Variants in EML6 observed in about 807,000 individuals in gnomAD.
The protein encoded by EML6 is EMAP like 6, also known as echinoderm microtubule-associated protein-like 6.
EML6 carries 154 observed loss-of-function variants against 240.1 expected under a neutral mutation model. The ratio of observed to expected loss-of-function variants is 0.64; its 90% CI spans 0.56 to 0.73. EML6 has a LOEUF of 0.73. Ranked by LOEUF, EML6 falls within the 30% of genes least tolerant of loss-of-function variation. EML6 has a pLI of 0.00. For missense variants in EML6, 2,964 were observed against 2,474.6 expected (o/e 1.20, Z -4.20); for synonymous variants, 1,148 against 899.0 (o/e 1.28, Z -4.95).
chr2:54,909,682 C>G (rs1182630739), intron 24 of EML6, among the ~76,000 whole-genome samples: 4 of 151,828 alleles, frequency 2.6e-5, no homozygotes, highest in African/African-American at 9.7e-5. Context: ...TCTGTCTCTA[C>G]TAAAAAATAG....
intron 39 of EML6, 103 bp downstream of exon 39, chr2:54,967,206 A>G: frequency 1.3e-6 from 1 of 745,300 alleles, no homozygotes. Context: ...AGAAGCTGAG[A>G]AATGGAGCTG....
At chr2:54,829,287 A>T in intron 6 of EML6, 55 bp from the exon 7 acceptor site, 1 of 1,500,934 alleles carries the variant, frequency 6.7e-7, no homozygotes, top group Non-Finnish European at 9.0e-7. Context: ...AACTGTATCT[A>T]TTCATTATAC....
At chr2:54,868,999 G>C in intron 14 of EML6, 182 bp from the exon 15 acceptor site, 2 of 509,692 alleles carry the variant, frequency 3.9e-6, no homozygotes, top group African/African-American at 1.9e-5. Context: ...GTGCCTTTTT[G>C]AGAGTCATCT....
At chr2:54,799,791 AG>A (rs1322915905) in intron 2 of EML6, among the ~76,000 whole-genome samples, 3 of 152,186 alleles carry the variant, frequency 2.0e-5, no homozygotes, top group Non-Finnish European at 4.4e-5. Flanking sequence ...GAGATTGGAG[AG>A]GTAAAATTAG....
chr2:54,962,388 C>T, intron 35 of EML6, 135 bp from the exon 36 acceptor site: 1 of 688,030 alleles, frequency 1.5e-6, no homozygotes, highest in Non-Finnish European at 2.4e-6. Flanking sequence ...CACTGACTCC[C>T]CTGTCCACCA....
chr2:54,956,798 C>A (rs368620350), intron 32 of EML6, among the ~76,000 whole-genome samples: 38 of 151,950 alleles, frequency 2.5e-4, no homozygotes, highest in Admixed American at 7.2e-4. Flanking sequence ...TGTGAATAAT[C>A]AAGGGAGGGG....
At chr2:54,896,750 T>G (rs752649909) in intron 21 of EML6, among the ~76,000 whole-genome samples, 1 of 152,174 alleles carries the variant, frequency 6.6e-6, no homozygotes, top group Non-Finnish European at 1.5e-5. Context: ...CAAATCCCAC[T>G]GAGAGGGTCC....
intron 25 of EML6, among the ~76,000 whole-genome samples, chr2:54,916,357 C>T (rs945690403): frequency 6.6e-6 from 1 of 152,204 alleles, no homozygotes; most frequent in Non-Finnish European, 1.5e-5. Context: ...ACCAGAGATG[C>T]TCTAAACATC....
intron 24 of EML6, 62 bp from the exon 25 acceptor site, chr2:54,910,891 AT>A: frequency 2.5e-6 from 2 of 809,190 alleles, no homozygotes; most frequent in Non-Finnish European, 4.0e-6. Flanking sequence ...CATGCTTCTC[AT>A]TTTATAATAA....
intron 7 of EML6, among the ~76,000 whole-genome samples, chr2:54,842,970 G>A (rs964771236): frequency 3.3e-5 from 5 of 152,154 alleles, no homozygotes; most frequent in Admixed American, 2.0e-4. Flanking sequence ...CTGAGACATG[G>A]TGCATCTGTT....
chr2:54,904,309 G>A (rs1036536253), intron 24 of EML6, among the ~76,000 whole-genome samples: 2 of 152,110 alleles, frequency 1.3e-5, no homozygotes, highest in Non-Finnish European at 2.9e-5. Context: ...TGAGTCACTC[G>A]TAAATCCTAT....
At chr2:54,866,344 T>A (rs1280051667) in intron 13 of EML6, among the ~76,000 whole-genome samples, 2 of 152,220 alleles carry the variant, frequency 1.3e-5, no homozygotes, top group Non-Finnish European at 2.9e-5. Flanking sequence ...TTAAGATGCA[T>A]GAAGCTATGA....
intron 7 of EML6, among the ~76,000 whole-genome samples, chr2:54,829,788 A>G (rs1168420639): frequency 6.6e-6 from 1 of 152,216 alleles, no homozygotes; most frequent in East Asian, 1.9e-4. Flanking sequence ...AAGTGAATGT[A>G]CCCAGCCTCT....
intron 13 of EML6, among the ~76,000 whole-genome samples, chr2:54,864,888 G>A (rs758964497): frequency 2.4e-4 from 37 of 152,116 alleles, no homozygotes; most frequent in African/African-American, 8.0e-4. Context: ...AATTGTGTTC[G>A]TACCAAGACA....
At chr2:54,765,687 C>A (rs1321232260) in intron 2 of EML6, among the ~76,000 whole-genome samples, 1 of 152,146 alleles carries the variant, frequency 6.6e-6, no homozygotes, top group Non-Finnish European at 1.5e-5. Flanking sequence ...GTCTCGATCT[C>A]CTGACCTCGT....
At chr2:54,776,674 C>A (rs1373480369) in intron 2 of EML6, among the ~76,000 whole-genome samples, 1 of 152,114 alleles carries the variant, frequency 6.6e-6, no homozygotes, top group East Asian at 1.9e-4. Context: ...AATGAACATG[C>A]ACATGTATTC....
chr2:54,795,279 G>A (rs1167929968), intron 2 of EML6, among the ~76,000 whole-genome samples: 1 of 152,174 alleles, frequency 6.6e-6, no homozygotes, highest in African/African-American at 2.4e-5. Context: ...AGCAGGGCAT[G>A]TCTCACATGT....
chr2:54,910,972 A>T lies in EML6; in HGVS notation c.3428A>T (p.Asn1143Ile), dbSNP rs774137496. 6.5e-7 allele frequency: 1 copy of T among 1,533,876 alleles called. No homozygotes were observed. The highest frequency in any genetic ancestry group is 8.8e-7 in the Non-Finnish European group (1 of 1,133,962). The stretch of plus-strand genomic sequence containing the variant: ...GTAACAGGAAAATTATTGCAAGTGA[A>T]TTCAGGTGCCAGAGAACAACTTTTT... ...WDSRGKLLQVNSGAREQLFFE... is the reference protein window; with the variant it reads ...WDSRGKLLQVISGAREQLFFE... Residue 1143 changes from asparagine to isoleucine, a missense_variant, in exon 25 of 42, where the codon AAT becomes ATT. Transcript: ENST00000356458.
At chr2:54,782,946 T>C (rs999143573) in intron 2 of EML6, among the ~76,000 whole-genome samples, 3 of 152,218 alleles carry the variant, frequency 2.0e-5, no homozygotes, top group Non-Finnish European at 2.9e-5. Flanking sequence ...TTAAATAATC[T>C]GTGTAAAGGG....
Sources: allele counts gnomAD v4.1 joint callset (sites outside exome capture counted in the v4.1 genomes callset), GRCh38; gene constraint gnomAD v4.1.1; transcripts MANE v1.5; gene names NCBI Gene and HGNC (gene_info 2026-07-23, HGNC 2026-07-21).